NRG1: variants seen among roughly 807,000 people sequenced by gnomAD.
NRG1 encodes the protein neuregulin 1, also known as pro-neuregulin-1, membrane-bound isoform.
In NRG1, 18 loss-of-function variants were observed where a neutral mutation model predicts 63.8. The ratio of observed to expected loss-of-function variants is 0.28; its 90% CI spans 0.19 to 0.42. The LOEUF is 0.42. Among genes scored for constraint, NRG1 ranks in the 10% least tolerant of loss-of-function variants. The pLI is 1.00. For synonymous variants in NRG1, 302 were observed against 301.3 expected (o/e 1.00, Z -0.02); for missense variants, 762 against 814.7 (o/e 0.94, Z 0.79).
intron 1 of NRG1, among the ~76,000 whole-genome samples, chr8:32,331,741 G>T (rs1029587795): frequency 1.3e-5 from 2 of 152,250 alleles, no homozygotes; most frequent in South Asian, 2.1e-4. Context: ...GGACAGTGGC[G>T]TGTGATTAAG....
At chr8:32,398,109 A>T (rs574517791) in intron 1 of NRG1, among the ~76,000 whole-genome samples, 2 of 152,188 alleles carry the variant, frequency 1.3e-5, no homozygotes, top group South Asian at 2.1e-4. Flanking sequence ...GAGCAGGGAA[A>T]TAGTACTATT....
chr8:32,081,138 A>T (rs1044336892), intron 1 of NRG1, among the ~76,000 whole-genome samples: 5 of 152,150 alleles, frequency 3.3e-5, no homozygotes, highest in Non-Finnish European at 7.4e-5. Flanking sequence ...CGTTTGACAA[A>T]ATATCCAGGG....
intron 5 of NRG1, among the ~76,000 whole-genome samples, chr8:32,684,486 T>A (rs1252126455): frequency 1.3e-5 from 2 of 152,246 alleles, no homozygotes; most frequent in Non-Finnish European, 2.9e-5. Flanking sequence ...GTTATTTTTG[T>A]GTTGATAAAT....
At chr8:32,296,983 C>T (rs138854406) in intron 1 of NRG1, among the ~76,000 whole-genome samples, 8,422 of 152,024 alleles carry the variant, frequency 0.055, 276 homozygotes, top group South Asian at 0.07. Flanking sequence ...GGCGTGGTGG[C>T]CCGCACCTGT....
chr8:32,172,493 G>A (rs1023934035), intron 1 of NRG1, among the ~76,000 whole-genome samples: 4 of 152,194 alleles, frequency 2.6e-5, no homozygotes, highest in Admixed American at 6.5e-5. Context: ...AAAGCTGGAT[G>A]GAGTATGACT....
At chr8:31,753,668 A>C (rs1347841646) in intron 1 of NRG1, among the ~76,000 whole-genome samples, 4 of 151,920 alleles carry the variant, frequency 2.6e-5, no homozygotes, top group Non-Finnish European at 5.9e-5. Flanking sequence ...CCAAACAATC[A>C]CTCTCATAAT....
intron 1 of NRG1, among the ~76,000 whole-genome samples, chr8:31,800,948 C>T (rs1483152038): frequency 6.8e-6 from 1 of 146,096 alleles, no homozygotes; most frequent in Non-Finnish European, 1.5e-5. Flanking sequence ...TCACGCCATT[C>T]ACCTGCCTCA....
intron 1 of NRG1, among the ~76,000 whole-genome samples, chr8:31,753,170 A>T (rs975904862): frequency 3.9e-5 from 6 of 152,050 alleles, no homozygotes; most frequent in Admixed American, 3.9e-4. Flanking sequence ...TACATTATTG[A>T]TATTGATATT....
chr8:32,043,001 C>A (rs571289716), intron 1 of NRG1, among the ~76,000 whole-genome samples: 19 of 21,352 alleles, frequency 8.9e-4, no homozygotes, highest in Admixed American at 4.0e-3. Flanking sequence ...TGAACATGTA[C>A]ACAAACGTAT....
chr8:32,385,908 A>G (rs1432304022), intron 1 of NRG1, among the ~76,000 whole-genome samples: 1 of 152,234 alleles, frequency 6.6e-6, no homozygotes, highest in African/African-American at 2.4e-5. Context: ...TAAGAGAATC[A>G]TTGAGTAAAA....
At chr8:32,677,351 C>T (rs891977287) in intron 5 of NRG1, among the ~76,000 whole-genome samples, 1 of 152,074 alleles carries the variant, frequency 6.6e-6, no homozygotes, top group African/African-American at 2.4e-5. Flanking sequence ...CCTTCAGAAT[C>T]TTTATTTTAC....
rs71208140 is a variant in NRG1, at chr8:31,775,882, C to CAAAA, written c.37+136476_37+136479dup. 1.2e-3 allele frequency among the ~76,000 whole-genome samples: 85 copies of CAAAA among 72,198 alleles called. 4 individuals carry two copies. The highest frequency in any genetic ancestry group is 8.2e-3 in the Middle Eastern group (1 of 122). 47.4% of individuals were successfully genotyped at this position (72,198 alleles called of 152,430 possible). On this transcript the variant is annotated intron_variant, in intron 1 of 10. Coordinates refer to the NRG1 transcript ENST00000519301. ...TGGGCGACAGAGCAAGACTCCGTCTCAAAAAAAAAAAAAAAAAAAAAAAAA... is the reference window on the plus strand; with the variant it reads ...TGGGCGACAGAGCAAGACTCCGTCTCAAAAAAAAAAAAAAAAAAAAAAAAAAAAA...
chr8:32,746,495 G>A (rs1024764930), intron 7 of NRG1, among the ~76,000 whole-genome samples: 2 of 152,050 alleles, frequency 1.3e-5, no homozygotes, highest in Non-Finnish European at 2.9e-5. Context: ...TTGTTCTATT[G>A]TTCTTTCCTT....
chr8:32,706,694 A>T (rs1339402593), intron 5 of NRG1, among the ~76,000 whole-genome samples: 1 of 152,198 alleles, frequency 6.6e-6, no homozygotes, highest in African/African-American at 2.4e-5. Context: ...ACCCAAATTT[A>T]AAAATTTCCT....
intron 1 of NRG1, among the ~76,000 whole-genome samples, chr8:32,184,571 A>AT (rs144930562): frequency 8.0e-5 from 12 of 150,786 alleles, no homozygotes; most frequent in African/African-American, 9.7e-5. Context: ...GATAGCTACT[A>AT]TTTTTTTTTA....
intron 1 of NRG1, among the ~76,000 whole-genome samples, chr8:31,941,736 A>G (rs1341851093): frequency 6.6e-6 from 1 of 152,140 alleles, no homozygotes; most frequent in Admixed American, 6.6e-5. Context: ...TAGCTCTGCT[A>G]TACACTAACA....
intron 1 of NRG1, among the ~76,000 whole-genome samples, chr8:32,502,319 A>G (rs1297242063): frequency 6.6e-6 from 1 of 150,922 alleles, no homozygotes; most frequent in Admixed American, 6.6e-5. Flanking sequence ...CAGTACCAAG[A>G]GGGATGGTGC....
intron 1 of NRG1, among the ~76,000 whole-genome samples, chr8:31,758,998 A>G (rs1160432572): frequency 2.0e-5 from 3 of 152,146 alleles, no homozygotes; most frequent in African/African-American, 7.2e-5. Context: ...CATTTCTCTG[A>G]TGAATAATGA....
chr8:32,766,547 C>G (rs1264988009), exon 12 of NRG1: 1 of 152,158 alleles, frequency 6.6e-6, no homozygotes, highest in African/African-American at 2.4e-5. Context: ...ATTTAAAACC[C>G]TAAAAATTCT....
Sources: gnomAD v4.1 joint callset for allele counts (sites outside exome capture counted in the v4.1 genomes callset) on GRCh38, gnomAD v4.1.1 for gene constraint, MANE v1.5 for transcripts, NCBI Gene and HGNC (gene_info 2026-07-23, HGNC 2026-07-21) for gene names.